The following ADGRB3 variants were observed in gnomAD, a reference collection of about 807,000 sequenced individuals.
The protein encoded by ADGRB3 is brain-specific angiogenesis inhibitor 3.
In ADGRB3, 37 loss-of-function variants were observed where a neutral mutation model predicts 193.4. The observed-to-expected ratio is 0.19, with a 90% CI of 0.15 to 0.25. The LOEUF is 0.25. Among genes scored for constraint, ADGRB3 ranks in the 10% least tolerant of loss-of-function variants. ADGRB3 has a pLI of 1.00. For synonymous variants in ADGRB3, 690 were observed against 644.2 expected (o/e 1.07, Z -1.08); for missense variants, 1,637 against 1,852.9 (o/e 0.88, Z 2.14).
chr6:69,386,582 G>C (rs527432232), intron 31 of ADGRB3, among the ~76,000 whole-genome samples: 49 of 152,168 alleles, frequency 3.2e-4, no homozygotes, highest in African/African-American at 1.2e-3. Flanking sequence ...CAGGCATTCA[G>C]AATCCCTTAT....
chr6:69,095,535 G>C (rs1040435555), intron 17 of ADGRB3, among the ~76,000 whole-genome samples: 1 of 152,152 alleles, frequency 6.6e-6, no homozygotes, highest in African/African-American at 2.4e-5. Context: ...AGACTGGTTA[G>C]CAAATGATAT....
At chr6:69,336,936 G>T (rs552847027) in intron 24 of ADGRB3, among the ~76,000 whole-genome samples, 94 of 152,100 alleles carry the variant, frequency 6.2e-4, no homozygotes, top group Non-Finnish European at 1.1e-3. Flanking sequence ...AATGCCAAAG[G>T]TGTCCTACCA....
chr6:68,822,397 G>A (rs1002508254), intron 3 of ADGRB3, among the ~76,000 whole-genome samples: 1 of 151,854 alleles, frequency 6.6e-6, no homozygotes, highest in Non-Finnish European at 1.5e-5. Context: ...AAGCAGTCTG[G>A]TGAGAATCTA....
In ADGRB3 at chr6:68,793,677, T is replaced by C. The variant is rs112627750; in HGVS notation, c.758-136882T>C. On this transcript the variant is annotated intron_variant, in intron 3 of 31. Transcript: ENST00000370598. ...TCAAGTAGCTGGAAATACAGGCGCGTGCCACCATGCTCGGCTAATTTTTTT... is the reference window on the plus strand; with the variant it reads ...TCAAGTAGCTGGAAATACAGGCGCGCGCCACCATGCTCGGCTAATTTTTTT... 7.6e-3 allele frequency among the ~76,000 whole-genome samples: 1,161 copies of C among 152,182 alleles called. 17 individuals are homozygous for C. The highest frequency in any genetic ancestry group is 0.027 in the African/African-American group (1,113 of 41,530).
chr6:69,223,009 T>G (rs1293892568), intron 17 of ADGRB3, among the ~76,000 whole-genome samples: 1 of 152,100 alleles, frequency 6.6e-6, no homozygotes, highest in African/African-American at 2.4e-5. Flanking sequence ...TGCTTACATA[T>G]AGTAATATTT....
At chr6:69,177,429 T>C (rs554124443) in intron 17 of ADGRB3, among the ~76,000 whole-genome samples, 17 of 152,248 alleles carry the variant, frequency 1.1e-4, no homozygotes, top group Admixed American at 5.9e-4. Context: ...CCGTCTCGGC[T>C]CACTGCAAGC....
chr6:69,058,717 A>T (rs1024172555), intron 15 of ADGRB3, among the ~76,000 whole-genome samples: 7 of 152,094 alleles, frequency 4.6e-5, no homozygotes, highest in South Asian at 4.1e-4. Context: ...GTTGTTCAAA[A>T]GTGTGCTGTT....
intron 3 of ADGRB3, among the ~76,000 whole-genome samples, chr6:68,861,690 T>C (rs1054974926): frequency 6.6e-6 from 1 of 152,222 alleles, no homozygotes; most frequent in Non-Finnish European, 1.5e-5. Context: ...TTCCAAATTG[T>C]AGGTTATTCT....
At chr6:69,024,193 A>G (rs1211486892) in intron 13 of ADGRB3, among the ~76,000 whole-genome samples, 13 of 152,182 alleles carry the variant, frequency 8.5e-5, no homozygotes, top group Admixed American at 7.9e-4. Context: ...TAATGATTAG[A>G]GGTAGTAGGT....
intron 17 of ADGRB3, among the ~76,000 whole-genome samples, chr6:69,211,522 CT>C (rs1765667145): frequency 6.6e-6 from 1 of 151,994 alleles, no homozygotes; most frequent in African/African-American, 2.4e-5. Flanking sequence ...TACAAGAACA[CT>C]ATCAGGTAGA....
intron 3 of ADGRB3, among the ~76,000 whole-genome samples, chr6:68,821,320 A>G (rs1264283512): frequency 6.6e-6 from 1 of 151,972 alleles, no homozygotes; most frequent in Non-Finnish European, 1.5e-5. Flanking sequence ...GGGATTTTAC[A>G]TAAGCGTAAA....
rs376892126 is a variant in ADGRB3, at chr6:68,993,936, T to C, written c.1903T>C (p.Tyr635His). The change falls in exon 11 of 32, where the codon TAC becomes CAC. Residue 635 changes from tyrosine (Y) to histidine (H), a missense_variant. Coordinates refer to ENST00000370598, the MANE Select transcript of ADGRB3 (RefSeq NM_001704.3). ...GACAGACACATTTAAAAGGGCAAGT[T>C]ACATCCCTGCATCTGATGGTGTCCA... ...NVTDTFKRAS[Y>H]IPASDGVQNF... 6.2e-7 allele frequency: 1 copy of C among 1,613,734 alleles called. No homozygotes were observed. The highest frequency in any genetic ancestry group is 8.5e-7 in the Non-Finnish European group (1 of 1,179,756).
chr6:68,677,966 G>A (rs1477692092), intron 3 of ADGRB3, among the ~76,000 whole-genome samples: 1 of 150,358 alleles, frequency 6.7e-6, no homozygotes, highest in Non-Finnish European at 1.5e-5. Context: ...TTTTTAATTT[G>A]ATGAGATATC....
rs1163065316 is a variant in ADGRB3, at chr6:69,031,025, TC to T, written c.2107+12528del. On this transcript the variant is annotated intron_variant, in intron 13 of 31. Transcript: ENST00000370598. ...CCTTTCTTTTCTTTTCTTTTTTTTT[TC>T]CTCTTCTCTTCTCTCTTCTCTTCTC... Among the ~76,000 whole-genome samples, 46 of 68,998 alleles carry T rather than the reference TC, an allele frequency of 6.7e-4. 5 individuals are homozygous for T. Among genetic ancestry groups the T allele is most frequent in the East Asian group, 1.7e-3 (8 of 4,590 alleles). The allele number at this position is 68,998 out of a possible 152,430, so 45.3% of individuals were successfully genotyped here. A position where few individuals can be genotyped will look rare whatever the true frequency, so the allele number is the denominator to read the frequency against.
rs556304343 is a variant in ADGRB3 at position 68,953,756 on chromosome 6, GT to G, written c.1196-2266del. On this transcript the variant is annotated intron_variant, in intron 6 of 31. Transcript: ENST00000370598. The stretch of plus-strand genomic sequence containing the variant: ...GTTTATTAAGTACAGCTGGATGCCT[GT>G]TAAACAATCTCTTTTTAATACCTAC... 2.9e-4 allele frequency among the ~76,000 whole-genome samples: 44 copies of G among 152,288 alleles called. No individual in the cohort carries two copies. In the East Asian group the frequency reaches 7.9e-3, roughly 27 times the overall value.
At chr6:68,916,121 T>C (rs1221687655) in intron 3 of ADGRB3, among the ~76,000 whole-genome samples, 1 of 152,070 alleles carries the variant, frequency 6.6e-6, no homozygotes, top group East Asian at 1.9e-4. Context: ...TAAAGTTACT[T>C]TCCTAAGGAG....
At chr6:69,333,634 T>G (rs1216288602) in intron 24 of ADGRB3, among the ~76,000 whole-genome samples, 1 of 151,400 alleles carries the variant, frequency 6.6e-6, no homozygotes, top group Non-Finnish European at 1.5e-5. Flanking sequence ...TATATAAATA[T>G]CTGATGACAT....
intron 20 of ADGRB3, among the ~76,000 whole-genome samples, chr6:69,295,688 A>G (rs1235681487): frequency 6.6e-6 from 1 of 152,164 alleles, no homozygotes; most frequent in Non-Finnish European, 1.5e-5. Context: ...AAGGGAGGAG[A>G]TGCAGTTCCC....
At chr6:68,771,037 C>A (rs1766607178) in intron 3 of ADGRB3, among the ~76,000 whole-genome samples, 1 of 152,086 alleles carries the variant, frequency 6.6e-6, no homozygotes, top group Non-Finnish European at 1.5e-5. Flanking sequence ...AATGCAATTT[C>A]TTTCTCTTAG....
Sources: allele counts gnomAD v4.1 joint callset (sites outside exome capture counted in the v4.1 genomes callset), GRCh38; gene constraint gnomAD v4.1.1; transcripts MANE v1.5; gene names NCBI Gene and HGNC (gene_info 2026-07-23, HGNC 2026-07-21).